TENM1: variants seen among roughly 807,000 people sequenced by gnomAD.
TENM1 encodes teneurin transmembrane protein 1.
In TENM1, 35 loss-of-function variants were observed where a neutral mutation model predicts 174.8. The ratio of observed to expected loss-of-function variants is 0.20; its 90% CI spans 0.15 to 0.27. TENM1 has a LOEUF of 0.27. Among genes scored for constraint, TENM1 ranks in the 10% least tolerant of loss-of-function variants. TENM1 has a pLI of 1.00. For missense variants in TENM1, 1,633 were observed against 2,130.1 expected (o/e 0.77, Z 4.59); for synonymous variants, 781 against 798.7 (o/e 0.98, Z 0.37).
At chrX:125,018,597 T>G in the TENM1 span, among the ~76,000 whole-genome samples, 1 of 111,507 alleles carries the variant, frequency 9.0e-6, no homozygotes, top group African/African-American at 3.2e-5. Flanking sequence ...TTAAATTTCC[T>G]AACTCCTTCC....
intron 3 of TENM1, among the ~76,000 whole-genome samples, chrX:124,829,979 C>T (rs776087598): frequency 2.2e-4 from 25 of 112,381 alleles, no homozygotes; most frequent in African/African-American, 7.1e-4. Flanking sequence ...AAACATAGTA[C>T]TATCGGTGGC....
intron 3 of TENM1, among the ~76,000 whole-genome samples, chrX:124,824,541 G>A (rs1251720057): frequency 8.9e-6 from 1 of 112,113 alleles, no homozygotes; most frequent in African/African-American, 3.2e-5. Context: ...TGAAAAGTGT[G>A]CTATACCTAA....
chrX:124,729,301 C>G (rs1002352799), intron 4 of TENM1, among the ~76,000 whole-genome samples: 3 of 112,344 alleles, frequency 2.7e-5, no homozygotes, highest in Non-Finnish European at 5.6e-5. Context: ...ATTTATTGCA[C>G]ACTTTCTATG....
intron 4 of TENM1, among the ~76,000 whole-genome samples, chrX:124,714,482 C>A (rs1181472190): frequency 9.0e-6 from 1 of 111,722 alleles, no homozygotes; most frequent in Non-Finnish European, 1.9e-5. Flanking sequence ...TACATATAAA[C>A]TTCATATTTC....
chrX:125,050,621 T>C, the TENM1 span, among the ~76,000 whole-genome samples: 3 of 111,794 alleles, frequency 2.7e-5, no homozygotes, highest in African/African-American at 9.7e-5. Flanking sequence ...GCAATAAACA[T>C]ACGTGTGCAT....
intron 23 of TENM1, among the ~76,000 whole-genome samples, chrX:124,430,204 G>T (rs2147775896): frequency 9.0e-6 from 1 of 111,716 alleles, no homozygotes; most frequent in South Asian, 3.8e-4. Context: ...CATAGTCCCT[G>T]CCTTCATGGA....
chrX:124,395,069 T>C (rs1199840259), intron 27 of TENM1, among the ~76,000 whole-genome samples: 1 of 111,759 alleles, frequency 8.9e-6, no homozygotes, highest in Non-Finnish European at 1.9e-5. Context: ...GATTACTTTA[T>C]AGTGCACAGA....
At chrX:124,414,020 G>T (rs2060566125) in intron 25 of TENM1, among the ~76,000 whole-genome samples, 1 of 112,027 alleles carries the variant, frequency 8.9e-6, no homozygotes, top group Admixed American at 9.5e-5. Flanking sequence ...TGATAAAACT[G>T]GGCATTTGTA....
At chrX:124,520,396 G>T in intron 18 of TENM1, 121 bp downstream of exon 21, 1 of 730,063 alleles carries the variant, frequency 1.4e-6, no homozygotes, top group Non-Finnish European at 2.0e-6. Context: ...AATTAAAAAT[G>T]CCTTAGGTCC....
the TENM1 span, among the ~76,000 whole-genome samples, chrX:125,007,038 G>A: frequency 8.9e-6 from 1 of 111,749 alleles, no homozygotes; most frequent in Non-Finnish European, 1.9e-5. Flanking sequence ...TGGATAAATC[G>A]AAAGAAGTAG....
At chrX:124,802,747 C>T (rs1418579590) in intron 3 of TENM1, among the ~76,000 whole-genome samples, 3 of 111,792 alleles carry the variant, frequency 2.7e-5, no homozygotes, top group Non-Finnish European at 5.6e-5. Flanking sequence ...CATCTTGGCC[C>T]CACCCCCCAA....
At chrX:124,946,260 G>A (rs996522323) in intron 1 of TENM1, among the ~76,000 whole-genome samples, 12 of 112,027 alleles carry the variant, frequency 1.1e-4, no homozygotes, top group African/African-American at 3.9e-4. Flanking sequence ...AGAGGTGTCC[G>A]ATACAGATAT....
At chrX:124,848,380 C>A (rs1028659190) in intron 3 of TENM1, among the ~76,000 whole-genome samples, 3 of 111,032 alleles carry the variant, frequency 2.7e-5, no homozygotes, top group Non-Finnish European at 5.7e-5. Flanking sequence ...CTGCAACGAC[C>A]TCTATTGCAC....
chrX:124,392,389 T>G (rs767257915), intron 27 of TENM1, 41 bp from the exon 31 acceptor site: 1 of 1,013,698 alleles, frequency 9.9e-7, no homozygotes, highest in Non-Finnish European at 1.4e-6. Flanking sequence ...AGCACAGCCT[T>G]GTTCCCCTCA....
chrX:124,555,193 TC>T (rs1053618026), intron 14 of TENM1, among the ~76,000 whole-genome samples: 4 of 111,356 alleles, frequency 3.6e-5, no homozygotes, highest in Non-Finnish European at 7.5e-5. Flanking sequence ...TGACTCATGT[TC>T]CAGCCACAAA....
chrX:124,808,220 T>G (rs748529140), intron 3 of TENM1, among the ~76,000 whole-genome samples: 3 of 111,667 alleles, frequency 2.7e-5, no homozygotes, highest in Non-Finnish European at 3.8e-5. Flanking sequence ...GGAAAAACTA[T>G]AAAAATAGAC....
chrX:124,583,221 A>G (rs1405005686), intron 11 of TENM1, among the ~76,000 whole-genome samples: 1 of 111,539 alleles, frequency 9.0e-6, no homozygotes, highest in African/African-American at 3.3e-5. Context: ...GAGAACGGGC[A>G]GACTGCCTCC....
At chrX:124,842,767 A>C (rs968072926) in intron 3 of TENM1, among the ~76,000 whole-genome samples, 10 of 110,684 alleles carry the variant, frequency 9.0e-5, no homozygotes, top group Non-Finnish European at 1.9e-4. Context: ...CCATCTCCAA[A>C]TACCATCACA....
intron 11 of TENM1, among the ~76,000 whole-genome samples, chrX:124,615,005 A>G (rs1313982720): frequency 3.6e-5 from 4 of 112,275 alleles, no homozygotes; most frequent in Admixed American, 2.8e-4. Flanking sequence ...TCAGGCCAGT[A>G]ACTATAAACT....
Sources: allele counts gnomAD v4.1 joint callset (sites outside exome capture counted in the v4.1 genomes callset), GRCh38; gene constraint gnomAD v4.1.1; transcripts MANE v1.5; gene names NCBI Gene and HGNC (gene_info 2026-07-23, HGNC 2026-07-21).